Variants in CCL4L2 observed in about 807,000 individuals in gnomAD.
CCL4L2 encodes C-C motif chemokine 4-like.
CCL4L2 carries 3 observed loss-of-function variants against 5.9 expected under a neutral mutation model. The ratio of observed to expected loss-of-function variants is 0.51; its 90% CI spans 0.23 to 1.32. The LOEUF is 1.32. Among genes scored for constraint, CCL4L2 ranks in the 40% most tolerant of loss-of-function variants. CCL4L2 has a pLI of 0.18. For missense variants in CCL4L2, 74 were observed against 121.2 expected, an observed-to-expected ratio of 0.61 and a Z score of 1.83; for synonymous variants, 36 against 47.6, an observed-to-expected ratio of 0.76 and a Z score of 1.00.
intron 2 of CCL4L2, chr17:36,212,256 A>T (rs2068797624): frequency 1.4e-6 from 1 of 740,570 alleles, no homozygotes; most frequent in Non-Finnish European, 2.4e-6. Context: ...TGCAATGCCC[A>T]CTGGTTCCTA....
chr17:36,212,542 G>C lies in CCL4L2; in HGVS notation c.*119G>C, dbSNP rs752078002. 1.4e-5 allele frequency: 22 copies of C among 1,581,536 alleles called. No individual in the cohort carries two copies. The highest frequency in any genetic ancestry group is 1.5e-5 in the Non-Finnish European group (17 of 1,156,580). On this transcript the variant is annotated 3_prime_UTR_variant, in exon 3 of 3. Transcript: ENST00000617405. ...ACCCCAGTGAGTCCTGGGTCCAGGA[G>C]TACGTGTATGACCTGGAACTGAACT...
chr17:36,211,331 G>A, intron 1 of CCL4L2, 114 bp downstream of exon 1: 3 of 1,273,328 alleles, frequency 2.4e-6, no homozygotes, highest in Admixed American at 1.7e-5. Context: ...CAGCTAGGAA[G>A]ATTGCCATGT....
intron 1 of CCL4L2, 75 bp downstream of exon 1, chr17:36,211,292 A>C (rs2068771350): frequency 6.6e-7 from 1 of 1,509,942 alleles, no homozygotes. Context: ...TGGCTGGCAA[A>C]CAGTGGGATC....
chr17:36,212,550 A>G lies in CCL4L2; in HGVS notation c.*127A>G, dbSNP rs2068808404. 1.9e-6 allele frequency: 3 copies of G among 1,581,490 alleles called. 1 individual carries two copies. Among genetic ancestry groups the G allele is most frequent in the Non-Finnish European group, 2.6e-6 (3 of 1,156,592 alleles). On this transcript the variant is annotated 3_prime_UTR_variant, in exon 3 of 3. Coordinates refer to ENST00000617405, the MANE Select transcript of CCL4L2 (RefSeq NM_001291475.2). ...GAGTCCTGGGTCCAGGAGTACGTGT[A>G]TGACCTGGAACTGAACTGAGCTGCT...
At chr17:36,211,300 A>C (rs2068771414) in intron 1 of CCL4L2, 83 bp downstream of exon 1, 1 of 1,484,500 alleles carries the variant, frequency 6.7e-7, no homozygotes, top group African/African-American at 1.3e-5. Context: ...AAACAGTGGG[A>C]TCTGGGGATG....
intron 2 of CCL4L2, chr17:36,212,250 A>G: frequency 1.4e-6 from 1 of 730,276 alleles, no homozygotes; most frequent in Non-Finnish European, 2.5e-6. Flanking sequence ...ACTGATTGCA[A>G]TGCCCACTGG....
In CCL4L2 at chr17:36,212,468, T is replaced by A. The variant is rs2142234548; in HGVS notation, c.*45T>A. The stretch of plus-strand genomic sequence containing the variant: ...TCCCATGGGATTCTAATCTGTCTGC[T>A]CCTTGTTCTACGGATTCCAAACCAA... On this transcript the variant is annotated 3_prime_UTR_variant, in exon 3 of 3. Transcript: ENST00000617405. 6.3e-7 allele frequency: 1 copy of A among 1,581,256 alleles called. No individual in the cohort carries two copies. Among genetic ancestry groups the A allele is most frequent in the East Asian group, 2.2e-5 (1 of 44,594 alleles).
At chr17:36,211,951 G>T in intron 2 of CCL4L2, 61 bp downstream of exon 2, 1 of 1,525,686 alleles carries the variant, frequency 6.6e-7, no homozygotes, top group Non-Finnish European at 9.0e-7. Flanking sequence ...TTTAAAGGGG[G>T]CCTGTTTTGG....
rs62078209 is a variant in CCL4L2, at chr17:36,211,739, T to C, written c.77-37T>C. ...TAGAAGTCAAAATAAACAGCTCCCA[T>C]GGGCAGTGTTGATCTCACCCTGGCC... On this transcript the variant is annotated intron_variant, in intron 1 of 2. Transcript: ENST00000617405. 331 of 1,549,496 alleles carry C rather than the reference T, an allele frequency of 2.1e-4. 21 individuals are homozygous for C. The highest frequency in any genetic ancestry group is 5.4e-4 in the East Asian group (24 of 44,502).
Position 36,211,449 on chromosome 17 carries a change from T to G in CCL4L2, c.76+232T>G, listed in dbSNP as rs2142230087. The G allele has an allele frequency of 4.1e-6, 3 of 722,952 alleles. No homozygotes were observed. In the East Asian group the frequency reaches 7.7e-5, roughly 18 times the overall value. 44.8% of individuals were successfully genotyped at this position (722,952 alleles called of 1,614,324 possible). A position where few individuals can be genotyped will look rare whatever the true frequency, so the allele number is the denominator to read the frequency against. On this transcript the variant is annotated intron_variant, in intron 1 of 2. Coordinates refer to ENST00000617405, the MANE Select transcript of CCL4L2 (RefSeq NM_001291475.2). ...GAAAACGATGGGCTGGAAGTCAGAC[T>G]GTTGAATTGGCTCTGCCTTTAATTA...
rs2068811173 is a variant in CCL4L2, at chr17:36,212,645, T to C, written c.*222T>C. ...TTCTCCATGAGCCGCATCTCCTCCA[T>C]ACTCAGGACTCCTCTCCGCAGTTCC... is the stretch of plus-strand genomic sequence containing the variant. On this transcript the variant is annotated 3_prime_UTR_variant, in exon 3 of 3. Coordinates refer to ENST00000617405, the MANE Select transcript of CCL4L2 (RefSeq NM_001291475.2). 6.1e-6 allele frequency: 9 copies of C among 1,470,736 alleles called. 3 individuals are homozygous for C. Among genetic ancestry groups the C allele is most frequent in the African/African-American group, 4.0e-5 (3 of 74,510 alleles). 91.1% of individuals were successfully genotyped at this position (1,470,736 alleles called of 1,614,324 possible).
At position 36,212,808 on chromosome 17, in the gene CCL4L2, CA is replaced by C. The variant is rs1388440135; in HGVS notation, c.*388del. 1 of 580,234 alleles carries C rather than the reference CA, an allele frequency of 1.7e-6. No individual in the cohort carries two copies. The highest frequency in any genetic ancestry group is 2.8e-5 in the East Asian group (1 of 36,330). 35.9% of individuals were successfully genotyped at this position (580,234 alleles called of 1,614,324 possible). ...CACTCTCACTCTTTCTCTGCTGTTG[CA>C]AATACATGGATAACACCGTTAATTC... On this transcript the variant is annotated 3_prime_UTR_variant, in exon 3 of 3. Transcript: ENST00000617405.
intron 2 of CCL4L2, 166 bp downstream of exon 2, chr17:36,212,056 C>A: frequency 1.1e-6 from 1 of 901,022 alleles, no homozygotes; most frequent in Non-Finnish European, 1.8e-6. Flanking sequence ...TTTTCAAGTG[C>A]TGAAGGCGGC....
chr17:36,212,142 C>A, intron 2 of CCL4L2: 1 of 696,984 alleles, frequency 1.4e-6, no homozygotes, highest in Non-Finnish European at 2.6e-6. Context: ...GGAAGGCAGA[C>A]AGGTCCCGTG....
At position 36,212,839 on chromosome 17, in the gene CCL4L2, T is replaced by G. The variant is rs1178778962; in HGVS notation, c.*416T>G. The G allele has an allele frequency of 1.4e-4, 71 of 518,086 alleles. 5 individuals are homozygous for G. The highest frequency in any genetic ancestry group is 2.5e-4 in the Non-Finnish European group (69 of 280,622). The allele number at this position is 518,086 out of a possible 1,614,324, so 32.1% of individuals were successfully genotyped here. ...CATGGATAACACCGTTAATTCCATG[T>G]GTTTTCATAATAAAACTTTAAAATA... is the stretch of plus-strand genomic sequence containing the variant. On this transcript the variant is annotated 3_prime_UTR_variant, in exon 3 of 3. Transcript: ENST00000617405.
At chr17:36,212,077 C>A in intron 2 of CCL4L2, 187 bp downstream of exon 2, 1 of 809,084 alleles carries the variant, frequency 1.2e-6, no homozygotes, top group Non-Finnish European at 2.1e-6. Context: ...TGAGTGGCAG[C>A]CGAGACAGAA....
At position 36,211,821 on chromosome 17, in the gene CCL4L2, G is replaced by A; in HGVS notation, c.122G>A (p.Arg41Lys). 3 of 1,579,754 alleles carry A rather than the reference G, an allele frequency of 1.9e-6. 1 individual carries two copies. The highest frequency in any genetic ancestry group is 2.6e-6 in the Non-Finnish European group (3 of 1,155,934). ...GCCTGCTGCTTTTCTTACACCGCGA[G>A]GAAGCTTCCTCGCAACTTTGTGGTA... Residue 41 changes from arginine (R) to lysine (K), a missense_variant, in exon 2 of 3, where the codon AGG becomes AAG. By Grantham distance (26) the Arg-to-Lys change is conservative. Transcript: ENST00000617405.
rs1254411336 is a variant in CCL4L2 at position 36,212,663 on chromosome 17, G to A, written c.*240G>A. Reference sequence around the variant, plus strand: ...TCCTCCATACTCAGGACTCCTCTCCGCAGTTCCTGTCTCTTCTCTTAATGT... The same window carrying A: ...TCCTCCATACTCAGGACTCCTCTCCACAGTTCCTGTCTCTTCTCTTAATGT... On this transcript the variant is annotated 3_prime_UTR_variant, in exon 3 of 3. Transcript: ENST00000617405. 11,807 of 1,356,876 alleles carry A rather than the reference G, an allele frequency of 8.7e-3. 20 individuals are homozygous for A. The highest frequency in any genetic ancestry group is 0.012 in the Non-Finnish European group (11,024 of 949,928). The allele number at this position is 1,356,876 out of a possible 1,614,324, so 84.1% of individuals were successfully genotyped here. A position where few individuals can be genotyped will look rare whatever the true frequency, so the allele number is the denominator to read the frequency against.
Position 36,211,663 on chromosome 17 carries a change from A to G in CCL4L2, c.77-113A>G, listed in dbSNP as rs1409440819. ...TAGGTGGGAATGGATACAAGGGACC[A>G]TATTTGGGGTTCTGGTAGCTCCACA... On this transcript the variant is annotated intron_variant, in intron 1 of 2. Coordinates refer to ENST00000617405, the MANE Select transcript of CCL4L2 (RefSeq NM_001291475.2). 14 of 1,207,308 alleles carry G rather than the reference A, an allele frequency of 1.2e-5. 1 individual carries two copies. Among genetic ancestry groups the G allele is most frequent in the Non-Finnish European group, 1.6e-5 (13 of 819,738 alleles). 74.8% of individuals were successfully genotyped at this position (1,207,308 alleles called of 1,614,324 possible). A position where few individuals can be genotyped will look rare whatever the true frequency, so the allele number is the denominator to read the frequency against.
Sources: allele counts gnomAD v4.1 joint callset, GRCh38; gene constraint gnomAD v4.1.1; transcripts MANE v1.5; gene names NCBI Gene and HGNC (gene_info 2026-07-23, HGNC 2026-07-21).